Variants in ANKRD10 observed in about 807,000 individuals in gnomAD.
ANKRD10 encodes the protein ankyrin repeat domain 10.
Under a neutral mutation model 27.0 loss-of-function variants are expected in ANKRD10, and 14 were observed. The observed-to-expected ratio is 0.52, with a 90% CI of 0.34 to 0.81. The LOEUF (loss-of-function observed/expected upper bound fraction) is 0.81, where lower values mean the gene tolerates loss of function less well. Among genes scored for constraint, ANKRD10 ranks in the 40% least tolerant of loss-of-function variants. ANKRD10 has a pLI of 0.01. For synonymous variants in ANKRD10, 250 were observed against 224.5 expected (o/e 1.11, Z -1.01); for missense variants, 493 against 544.0 (o/e 0.91, Z 0.93).
At position 110,883,717 on chromosome 13, in the gene ANKRD10, C is replaced by T. The variant is rs141601558; in HGVS notation, c.768G>A (p.Arg256=). The T allele has an allele frequency of 6.2e-7, 1 of 1,614,134 alleles. No homozygotes were observed. Among genetic ancestry groups the T allele is most frequent in the Non-Finnish European group, 8.5e-7 (1 of 1,179,986 alleles). ...TCCCACCTGTTACAACAGCAAACTC[C>T]CTATCAACGTGCATTTTGTCAGCAT... ...EDDADKMHVD[R]EFAVVTDMKN... Residue 256 remains arginine (R), a synonymous_variant, in exon 5 of 6, where the codon AGG becomes AGA. Transcript: ENST00000267339.
intron 3 of ANKRD10, among the ~76,000 whole-genome samples, chr13:110,896,415 A>C (rs1382877191): frequency 6.6e-6 from 1 of 152,128 alleles, no homozygotes; most frequent in Non-Finnish European, 1.5e-5. Context: ...TTGGTACCTG[A>C]CTCAGGAACA....
intron 5 of ANKRD10, 133 bp downstream of exon 5, chr13:110,883,565 C>A (rs538282281): frequency 7.1e-7 from 1 of 1,412,376 alleles, no homozygotes; most frequent in Non-Finnish European, 9.3e-7. Context: ...ATTCCTGCAA[C>A]GACAGGGGGT....
At chr13:110,902,971 T>C (rs989160833) in intron 3 of ANKRD10, among the ~76,000 whole-genome samples, 1 of 152,188 alleles carries the variant, frequency 6.6e-6, no homozygotes, top group African/African-American at 2.4e-5. Flanking sequence ...AAGGCCCGAA[T>C]TCTATTTACA....
In ANKRD10 at chr13:110,894,156, G is replaced by T. The variant is rs748137399; in HGVS notation, c.456-893C>A. ...GAGGGATCAAAAGTAACTCCATGTT[G>T]AAGTTCCCCTGGAAGACAAGAATGT... is the stretch of plus-strand genomic sequence containing the variant. On this transcript the variant is annotated intron_variant, in intron 3 of 5. Coordinates refer to ENST00000267339, the MANE Select transcript of ANKRD10 (RefSeq NM_017664.4). 1.9e-6 allele frequency: 3 copies of T among 1,612,482 alleles called. No homozygotes were observed. In the East Asian group the frequency reaches 6.7e-5, roughly 36 times the overall value.
intron 1 of ANKRD10, among the ~76,000 whole-genome samples, chr13:110,914,164 C>CG (rs1255385366): frequency 1.3e-5 from 2 of 152,190 alleles, no homozygotes; most frequent in African/African-American, 4.8e-5. Context: ...CCCGCCGGGG[C>CG]GCTTGCTCCT....
chr13:110,906,978 AAG>A (rs2065557154), intron 2 of ANKRD10, among the ~76,000 whole-genome samples: 1 of 152,154 alleles, frequency 6.6e-6, no homozygotes, highest in Non-Finnish European at 1.5e-5. Context: ...TCAGCTAAGC[AAG>A]AGAGGGGAAA....
At chr13:110,905,900 G>A (rs1416090079) in intron 3 of ANKRD10, 133 bp downstream of exon 3, 1 of 791,712 alleles carries the variant, frequency 1.3e-6, no homozygotes. Flanking sequence ...AACACCAACT[G>A]TTCTAAAAGG....
At chr13:110,897,482 C>T (rs2065260170) in intron 3 of ANKRD10, among the ~76,000 whole-genome samples, 1 of 151,760 alleles carries the variant, frequency 6.6e-6, no homozygotes, top group Admixed American at 6.6e-5. Context: ...TCTTTCTGTG[C>T]CTGGCTTACT....
intron 3 of ANKRD10, among the ~76,000 whole-genome samples, chr13:110,901,492 A>T (rs9521986): frequency 0.34 from 51,883 of 152,120 alleles, 9,351 homozygotes; most frequent in South Asian, 0.42. Context: ...GATTTAGCAA[A>T]CACTGGTTTT....
intron 3 of ANKRD10, chr13:110,905,305 TA>T (rs1215130515): frequency 6.6e-6 from 1 of 152,156 alleles, no homozygotes; most frequent in Non-Finnish European, 1.5e-5. Flanking sequence ...ACAACTAAAA[TA>T]AATGTATAAT....
chr13:110,906,013 A>C lies in ANKRD10; in HGVS notation c.455+20T>G. The C allele has an allele frequency of 6.4e-7, 1 of 1,570,324 alleles. No individual in the cohort carries two copies. On this transcript the variant is annotated intron_variant, in intron 3 of 5. Coordinates refer to ENST00000267339, the MANE Select transcript of ANKRD10 (RefSeq NM_017664.4). The stretch of plus-strand genomic sequence containing the variant: ...CTCAACTACATCTTTAGCTGGAAAG[A>C]ATAAACGAAAGACACTTACTCGACG...
In ANKRD10 at chr13:110,914,851, G is replaced by C. The variant is rs775451059; in HGVS notation, c.84C>G (p.Arg28=). 96 of 1,564,840 alleles carry C rather than the reference G, an allele frequency of 6.1e-5. No homozygotes were observed. Among genetic ancestry groups the C allele is most frequent in the Non-Finnish European group, 9.5e-6 (11 of 1,156,998 alleles). The change falls in exon 1 of 6, where the codon CGC becomes CGG. Residue 28 remains arginine (R), a synonymous_variant. Coordinates refer to ENST00000267339, the MANE Select transcript of ANKRD10 (RefSeq NM_017664.4). Reference sequence around the variant, plus strand: ...TGGCCAGGTCCCCGTCGCGGCAGGCGCGGTGCAGCGGGAAACGGAGCGAGA... The same window carrying C: ...TGGCCAGGTCCCCGTCGCGGCAGGCCCGGTGCAGCGGGAAACGGAGCGAGA... ...ELLSLRFPLH[R]ACRDGDLATL... is the part of the protein sequence containing the mutation.
At chr13:110,882,045 G>GTTTCAGACAAGATCCTACTTCTC (rs1346544864) in intron 5 of ANKRD10, among the ~76,000 whole-genome samples, 10 of 152,212 alleles carry the variant, frequency 6.6e-5, no homozygotes, top group Non-Finnish European at 1.2e-4. Flanking sequence ...TGGGGATGAG[G>GTTTCAGACAAGATCCTACTTCTC]TTTCAGACAA....
At chr13:110,914,634 C>T in intron 1 of ANKRD10, 91 bp downstream of exon 1, 1 of 1,445,156 alleles carries the variant, frequency 6.9e-7, no homozygotes, top group Non-Finnish European at 9.2e-7. Flanking sequence ...GCGATCCCGG[C>T]ACGCCCCACG....
At chr13:110,914,496 G>A in intron 1 of ANKRD10, 1 of 432,102 alleles carries the variant, frequency 2.3e-6, no homozygotes, top group Non-Finnish European at 3.7e-6. Context: ...TCCGGACGCA[G>A]GCGCCACCGA....
chr13:110,894,857 G>C (rs1594583695), intron 3 of ANKRD10: 1 of 151,952 alleles, frequency 6.6e-6, no homozygotes. Flanking sequence ...CCAAAGTTTG[G>C]GCAGATTGTA....
rs555951326 is a variant in ANKRD10, at chr13:110,914,545, G to C, written c.210+180C>G. The C allele has an allele frequency of 2.9e-4, 242 of 837,352 alleles. No individual in the cohort carries two copies. The African/African-American group carries it at 3.6e-3, about 13-fold the overall frequency. The allele number at this position is 837,352 out of a possible 1,614,324, so 51.9% of individuals were successfully genotyped here. On this transcript the variant is annotated intron_variant, in intron 1 of 5. Coordinates refer to ENST00000267339, the MANE Select transcript of ANKRD10 (RefSeq NM_017664.4). ...CCGCGCCCCCCGGCTGCCCCGCCGC[G>C]ACTCCGGGCCGCGAGCGCTGCCGCA...
intron 3 of ANKRD10, among the ~76,000 whole-genome samples, chr13:110,902,985 C>A (rs2065426438): frequency 1.3e-5 from 2 of 152,172 alleles, no homozygotes; most frequent in African/African-American, 4.8e-5. Flanking sequence ...ATTTACAATG[C>A]TAGTAGTGAA....
At chr13:110,906,154 T>C (rs550899834) in intron 2 of ANKRD10, 30 bp from the exon 3 acceptor site, 4 of 1,522,978 alleles carry the variant, frequency 2.6e-6, no homozygotes, top group Non-Finnish European at 3.6e-6. Flanking sequence ...AATATACACA[T>C]ACTTAGAACA....
Sources: allele counts gnomAD v4.1 joint callset (sites outside exome capture counted in the v4.1 genomes callset), GRCh38; gene constraint gnomAD v4.1.1; transcripts MANE v1.5; gene names NCBI Gene and HGNC (gene_info 2026-07-23, HGNC 2026-07-21).